Variants in C11orf71 observed in about 807,000 individuals in gnomAD.
C11orf71 encodes the protein chromosome 11 open reading frame 71, also known as uncharacterized protein C11orf71.
For synonymous variants in C11orf71, 72 were observed against 73.4 expected (o/e 0.98, Z 0.09); for missense variants, 179 against 167.6 (o/e 1.07, Z -0.38).
rs1393875503 is a variant in C11orf71, at chr11:114,399,901, A to G, written c.*59T>C. 6.0e-6 allele frequency: 9 copies of G among 1,508,570 alleles called. No individual in the cohort carries two copies. Among genetic ancestry groups the G allele is most frequent in the Admixed American group, 2.3e-5 (1 of 43,264 alleles). The allele number at this position is 1,508,570 out of a possible 1,614,324, so 93.4% of individuals were successfully genotyped here. A position where few individuals can be genotyped will look rare whatever the true frequency, so the allele number is the denominator to read the frequency against. ...ACAACACGATTGCTGCTACACCAAG[A>G]AAGGATTTTAAAAAGGCCTGTTCAC... On this transcript the variant is annotated 3_prime_UTR_variant, in exon 1 of 1. Transcript: ENST00000623205.
chr11:114,394,284 T>TCTCTTCTC (rs1565256776), downstream of C11orf71, among the ~76,000 whole-genome samples: 5 of 84,476 alleles, frequency 5.9e-5, 1 homozygote, highest in African/African-American at 3.3e-4. Context: ...TTTCTTTTCT[T>TCTCTTCTC]TTCTCTTATT....
At chr11:114,393,486 C>T (rs1304270223) in intron 1 of C11orf71, among the ~76,000 whole-genome samples, 1 of 152,088 alleles carries the variant, frequency 6.6e-6, no homozygotes, top group Non-Finnish European at 1.5e-5. Context: ...TTTATAAATG[C>T]CTTCCCAATG....
rs1946165270 is a variant in C11orf71 at position 114,399,783 on chromosome 11, C to A, written c.*177G>T. The A allele has an allele frequency of 3.1e-6, 3 of 983,328 alleles. No individual in the cohort carries two copies. The highest frequency in any genetic ancestry group is 4.3e-6 in the Non-Finnish European group (3 of 695,736). 60.9% of individuals were successfully genotyped at this position (983,328 alleles called of 1,614,324 possible). On this transcript the variant is annotated 3_prime_UTR_variant, in exon 1 of 1. Coordinates refer to ENST00000623205, the MANE Select transcript of C11orf71 (RefSeq NM_001271562.2). ...AATCGTTCTGGCTGCATAAAACCACCTAAATCAATCAACTGTTACACTTCC... is the reference window on the plus strand; with the variant it reads ...AATCGTTCTGGCTGCATAAAACCACATAAATCAATCAACTGTTACACTTCC...
chr11:114,394,178 C>CTTTTTTTTCTTTT, downstream of C11orf71, among the ~76,000 whole-genome samples: 1 of 81,134 alleles, frequency 1.2e-5, no homozygotes, highest in East Asian at 3.1e-4. Context: ...GACGGGGTTT[C>CTTTTTTTTCTTTT]GTTTCTTTTC....
chr11:114,394,265 T>TTCTTTTCTTTTCTTTTCTTTTCTTG (rs1946108336), downstream of C11orf71, among the ~76,000 whole-genome samples: 2 of 60,412 alleles, frequency 3.3e-5, no homozygotes, highest in East Asian at 1.7e-3. Flanking sequence ...TTCTTTTCTT[T>TTCTTTTCTTTTCTTTTCTTTTCTTG]TCTTTTCTTT....
downstream of C11orf71, among the ~76,000 whole-genome samples, chr11:114,394,228 C>CCTTTCTTTTCTTTTCT (rs1946101542): frequency 4.3e-4 from 21 of 48,704 alleles, 2 homozygotes; most frequent in African/African-American, 8.0e-4. Context: ...CTTTTCTTTT[C>CCTTTCTTTTCTTTTCT]TTTCTTTTCT....
downstream of C11orf71, among the ~76,000 whole-genome samples, chr11:114,394,260 T>C (rs1256907404): frequency 1.4e-5 from 1 of 71,080 alleles, no homozygotes; most frequent in Non-Finnish European, 2.4e-5. Flanking sequence ...TTCTTTTCTT[T>C]TCTTTTCTTT....
chr11:114,394,243 T>TTTCTTTTCTTTTC (rs1491257335), downstream of C11orf71, among the ~76,000 whole-genome samples: 292 of 52,206 alleles, frequency 5.6e-3, 4 homozygotes, highest in Admixed American at 0.017. Context: ...TTTTCTTTTC[T>TTTCTTTTCTTTTC]TTTCTTTTCT....
rs757994016 is a variant in C11orf71 at position 114,400,145 on chromosome 11, C to T, written c.187G>A (p.Ala63Thr). 3 of 1,613,896 alleles carry T rather than the reference C, an allele frequency of 1.9e-6. No homozygotes were observed. Among genetic ancestry groups the T allele is most frequent in the Non-Finnish European group, 2.5e-6 (3 of 1,179,892 alleles). The change falls in exon 1 of 1, where the codon GCC becomes ACC. Residue 63 changes from alanine to threonine, a missense_variant. Physicochemically the swap from Ala to Thr is moderately conservative, Grantham distance 58 (BLOSUM62 0). Coordinates refer to ENST00000623205, the MANE Select transcript of C11orf71 (RefSeq NM_001271562.2). ...PRQAVRPSVR[A>T]ESRRVDGGGR... ...CCACCATCCACTCGACGGCTCTCGG[C>T]CCGAACGCTTGGTCGCACCGCCTGC...
At chr11:114,394,262 C>CTCTTA (rs1946107388), downstream of C11orf71, among the ~76,000 whole-genome samples, 1 of 65,166 alleles carries the variant, frequency 1.5e-5, no homozygotes, top group Non-Finnish European at 2.6e-5. Context: ...CTTTTCTTTT[C>CTCTTA]TTTTCTTTTC....
downstream of C11orf71, among the ~76,000 whole-genome samples, chr11:114,395,540 T>C (rs1003484111): frequency 6.6e-6 from 1 of 152,196 alleles, no homozygotes; most frequent in Non-Finnish European, 1.5e-5. Flanking sequence ...CTTTGGGAAG[T>C]TGAAGGCAAT....
chr11:114,394,438 G>T (rs1276596478), downstream of C11orf71, among the ~76,000 whole-genome samples: 3 of 151,868 alleles, frequency 2.0e-5, no homozygotes, highest in African/African-American at 7.3e-5. Flanking sequence ...GGGATTACAG[G>T]CACCTGCCAC....
At chr11:114,395,075 A>G (rs188854651), downstream of C11orf71, among the ~76,000 whole-genome samples, 2 of 152,134 alleles carry the variant, frequency 1.3e-5, no homozygotes, top group East Asian at 1.9e-4. Context: ...CGCATTCATT[A>G]AATATCTACT....
At chr11:114,394,259 T>TTCTTTTCTTTTCTC (rs1565256662), downstream of C11orf71, among the ~76,000 whole-genome samples, 3 of 70,612 alleles carry the variant, frequency 4.2e-5, no homozygotes, top group Admixed American at 1.8e-4. Flanking sequence ...TTTCTTTTCT[T>TTCTTTTCTTTTCTC]TTCTTTTCTT....
chr11:114,394,214 T>TTTTCTTTTCTTTTCTTTTC (rs1565256426), downstream of C11orf71, among the ~76,000 whole-genome samples: 25 of 57,040 alleles, frequency 4.4e-4, no homozygotes, highest in African/African-American at 2.4e-3. Context: ...TTTTCTTTTC[T>TTTTCTTTTCTTTTCTTTTC]TTTCTTTTCT....
downstream of C11orf71, among the ~76,000 whole-genome samples, chr11:114,394,266 T>TTGAGA (rs1946108364): frequency 5.1e-5 from 4 of 77,750 alleles, no homozygotes; most frequent in African/African-American, 8.8e-5. Flanking sequence ...TCTTTTCTTT[T>TTGAGA]CTTTTCTTTT....
At chr11:114,394,262 CTTTTCTTTTCTT>C (rs1946107679), downstream of C11orf71, among the ~76,000 whole-genome samples, 3 of 65,158 alleles carry the variant, frequency 4.6e-5, no homozygotes, top group Admixed American at 1.9e-4. Context: ...CTTTTCTTTT[CTTTTCTTTTCTT>C]TTCTTTTCTT....
chr11:114,394,140 G>C (rs1235253959), downstream of C11orf71, among the ~76,000 whole-genome samples: 1 of 146,666 alleles, frequency 6.8e-6, no homozygotes, highest in African/African-American at 2.5e-5. Flanking sequence ...TCACCACTCC[G>C]GCTAATTTTT....
chr11:114,397,540 A>C (rs150724986), downstream of C11orf71, among the ~76,000 whole-genome samples: 310 of 152,316 alleles, frequency 2.0e-3, 2 homozygotes, highest in African/African-American at 7.2e-3. Context: ...CTTGCCAAAC[A>C]AAACACAAAC....
Sources: allele counts gnomAD v4.1 joint callset (sites outside exome capture counted in the v4.1 genomes callset), GRCh38; gene constraint gnomAD v4.1.1; transcripts MANE v1.5; gene names NCBI Gene and HGNC (gene_info 2026-07-23, HGNC 2026-07-21).